Variants in WWOX observed in about 807,000 individuals in gnomAD.
The protein encoded by WWOX is WW domain-containing oxidoreductase.
Under a neutral mutation model 46.2 loss-of-function variants are expected in WWOX, and 69 were observed. That is an observed-to-expected ratio of 1.49 (90% CI 1.23 to 1.82). The LOEUF (loss-of-function observed/expected upper bound fraction) is 1.82. Among genes scored for constraint, WWOX ranks in the 40% most tolerant of loss-of-function variants. The probability of loss-of-function intolerance (pLI) is 0.00; values close to 1 mark genes in which losing one functional copy is unlikely to be tolerated. For synonymous variants in WWOX, 359 were observed against 202.6 expected, an observed-to-expected ratio of 1.77 and a Z score of -6.56; for missense variants, 919 against 542.6, an observed-to-expected ratio of 1.69 and a Z score of -6.89.
chr16:78,409,389 C>T (rs576534589), intron 6 of WWOX, among the ~76,000 whole-genome samples: 50 of 152,166 alleles, frequency 3.3e-4, no homozygotes, highest in African/African-American at 1.2e-3. Context: ...TGACACCTAG[C>T]CCCTGGGAAC....
At chr16:78,911,830 C>T (rs1298310440) in intron 8 of WWOX, among the ~76,000 whole-genome samples, 1 of 152,052 alleles carries the variant, frequency 6.6e-6, no homozygotes, top group African/African-American at 2.4e-5. Flanking sequence ...CACGCTGATG[C>T]ATTCCAGCCT....
chr16:78,555,822 C>T (rs2044280583), intron 8 of WWOX, among the ~76,000 whole-genome samples: 1 of 151,920 alleles, frequency 6.6e-6, no homozygotes, highest in South Asian at 2.1e-4. Context: ...CTGAGCCATG[C>T]CAATAAGAAA....
intron 5 of WWOX, among the ~76,000 whole-genome samples, chr16:78,293,660 A>T (rs2079894899): frequency 6.6e-6 from 1 of 152,062 alleles, no homozygotes; most frequent in Admixed American, 6.6e-5. Context: ...AAGCACAAAG[A>T]AACCTTTGTT....
At chr16:79,042,735 T>TA (rs2047996078) in intron 8 of WWOX, among the ~76,000 whole-genome samples, 3 of 151,430 alleles carry the variant, frequency 2.0e-5, no homozygotes, top group Non-Finnish European at 4.4e-5. Flanking sequence ...AGGGTTTTTT[T>TA]TTTTTTTTCT....
intron 6 of WWOX, among the ~76,000 whole-genome samples, chr16:78,420,869 A>C (rs1481463628): frequency 6.6e-6 from 1 of 152,164 alleles, no homozygotes; most frequent in Non-Finnish European, 1.5e-5. Context: ...ATAGGAAAAA[A>C]AGTAATCCTG....
At chr16:78,574,712 CAT>C (rs1477374680) in intron 8 of WWOX, among the ~76,000 whole-genome samples, 2 of 151,562 alleles carry the variant, frequency 1.3e-5, no homozygotes, top group African/African-American at 4.8e-5. Flanking sequence ...CAGACAAAGA[CAT>C]ATGATCTGAC....
At position 78,557,758 on chromosome 16, in the gene WWOX, C is replaced by T. The variant is rs761518711; in HGVS notation, c.1056+125006C>T. On this transcript the variant is annotated intron_variant, in intron 8 of 8. Coordinates refer to ENST00000566780, the MANE Select transcript of WWOX (RefSeq NM_016373.4). ...TTGTCCAAGCTGGAGTGCAGTGGCG[C>T]GATGTCAGCTCACTGCAACCTCCGC... Among the ~76,000 whole-genome samples the T allele has an allele frequency of 8.0e-5, 11 of 137,682 alleles. No homozygotes were observed. The South Asian group carries it at 9.1e-4, about 11-fold the overall frequency. 90.3% of individuals were successfully genotyped at this position (137,682 alleles called of 152,430 possible). A position where few individuals can be genotyped will look rare whatever the true frequency, so the allele number is the denominator to read the frequency against.
intron 8 of WWOX, among the ~76,000 whole-genome samples, chr16:78,556,092 C>A (rs535351300): frequency 2.5e-4 from 38 of 152,070 alleles, no homozygotes; most frequent in African/African-American, 8.9e-4. Flanking sequence ...ATTCATTGTT[C>A]CATAGGTACC....
At chr16:79,105,626 T>G (rs1031282933) in intron 8 of WWOX, among the ~76,000 whole-genome samples, 2 of 152,202 alleles carry the variant, frequency 1.3e-5, no homozygotes, top group African/African-American at 2.4e-5. Flanking sequence ...TAATCTGCTT[T>G]CTTTTGTTTA....
At chr16:78,446,043 G>T (rs1452771189) in intron 8 of WWOX, among the ~76,000 whole-genome samples, 1 of 152,166 alleles carries the variant, frequency 6.6e-6, no homozygotes, top group Non-Finnish European at 1.5e-5. Context: ...GGCTTATTTT[G>T]CTTCTTTTAG....
chr16:78,213,082 A>T (rs913163453), intron 5 of WWOX, among the ~76,000 whole-genome samples: 4 of 151,702 alleles, frequency 2.6e-5, no homozygotes, highest in African/African-American at 9.7e-5. Context: ...GTGAAACTCC[A>T]TGTCTACTAA....
chr16:78,996,440 A>G (rs2151356223), intron 8 of WWOX: 4 of 628,262 alleles, frequency 6.4e-6, no homozygotes, highest in East Asian at 1.5e-4. Context: ...GAATGGAGGC[A>G]TATTCAAAGT....
chr16:78,591,642 T>C (rs1219679294), intron 8 of WWOX, among the ~76,000 whole-genome samples: 1 of 152,230 alleles, frequency 6.6e-6, no homozygotes, highest in Non-Finnish European at 1.5e-5. Flanking sequence ...GAGTCTCAGC[T>C]GACCAAGCTC....
chr16:78,784,395 C>G (rs1597604133), intron 8 of WWOX, among the ~76,000 whole-genome samples: 1 of 152,078 alleles, frequency 6.6e-6, no homozygotes, highest in East Asian at 1.9e-4. Context: ...ATCTGTGACT[C>G]CACTTAGTTT....
At chr16:78,319,834 G>A (rs576168732) in intron 5 of WWOX, among the ~76,000 whole-genome samples, 3 of 152,118 alleles carry the variant, frequency 2.0e-5, no homozygotes, top group African/African-American at 7.2e-5. Flanking sequence ...CTGTGAGGAA[G>A]CAAAACTTTT....
intron 8 of WWOX, among the ~76,000 whole-genome samples, chr16:79,007,710 C>G (rs556556848): frequency 1.3e-5 from 2 of 152,280 alleles, no homozygotes; most frequent in Admixed American, 6.5e-5. Context: ...GTGACTCACC[C>G]GGTATCATAT....
chr16:78,891,151 C>T (rs1165403635), intron 8 of WWOX: 1 of 152,126 alleles, frequency 6.6e-6, no homozygotes, highest in Non-Finnish European at 1.5e-5. Flanking sequence ...TCCTTTAGTT[C>T]TCTTTTTTCT....
At chr16:78,354,593 GCTTTTTATCA>G (rs1431518793) in intron 5 of WWOX, among the ~76,000 whole-genome samples, 1 of 151,934 alleles carries the variant, frequency 6.6e-6, no homozygotes, top group Non-Finnish European at 1.5e-5. Context: ...ACTTTTAAAG[GCTTTTTATCA>G]CATTTTATTC....
chr16:78,483,629 G>C (rs888352531), intron 8 of WWOX, among the ~76,000 whole-genome samples: 3 of 151,948 alleles, frequency 2.0e-5, no homozygotes, highest in African/African-American at 7.3e-5. Context: ...TATACTGTGG[G>C]CTGCATCGCT....
Sources: allele counts gnomAD v4.1 joint callset (sites outside exome capture counted in the v4.1 genomes callset), GRCh38; gene constraint gnomAD v4.1.1; transcripts MANE v1.5; gene names NCBI Gene and HGNC (gene_info 2026-07-23, HGNC 2026-07-21).